The following MYO1D variants were observed in gnomAD, a reference collection of about 807,000 sequenced individuals.
MYO1D encodes the protein unconventional myosin-Id.
In MYO1D, 83 loss-of-function variants were observed where a neutral mutation model predicts 122.0. That is an observed-to-expected ratio of 0.68 (90% CI 0.57 to 0.82). MYO1D has a LOEUF of 0.82. MYO1D is among the 40% of genes least tolerant of loss of function. The pLI, the probability that MYO1D is intolerant of heterozygous loss-of-function variation, is 0.00. For synonymous variants in MYO1D, 464 were observed against 446.9 expected (o/e 1.04, Z -0.48); for missense variants, 1,157 against 1,269.5 (o/e 0.91, Z 1.35).
At chr17:32,603,439 G>C (rs990903951) in intron 21 of MYO1D, among the ~76,000 whole-genome samples, 1 of 151,378 alleles carries the variant, frequency 6.6e-6, no homozygotes, top group Non-Finnish European at 1.5e-5. Context: ...ATAAATATTA[G>C]CAGGAAAATA....
At chr17:32,836,931 G>A (rs1384424660) in intron 1 of MYO1D, among the ~76,000 whole-genome samples, 3 of 152,118 alleles carry the variant, frequency 2.0e-5, no homozygotes, top group African/African-American at 7.2e-5. Context: ...TAGGTCATAG[G>A]ATAGGTATAG....
intron 21 of MYO1D, among the ~76,000 whole-genome samples, chr17:32,585,597 G>A (rs1037174392): frequency 3.9e-4 from 59 of 152,096 alleles, no homozygotes; most frequent in African/African-American, 1.4e-3. Context: ...AGGTGTGGTA[G>A]CGGGCGCCTG....
intron 21 of MYO1D, among the ~76,000 whole-genome samples, chr17:32,527,491 T>C (rs965009278): frequency 6.6e-6 from 1 of 152,182 alleles, no homozygotes; most frequent in Non-Finnish European, 1.5e-5. Flanking sequence ...TTCCTGCGCT[T>C]GTCAAAGCTA....
rs184879992 is a variant in MYO1D at position 32,499,486 on chromosome 17, T to G, written c.2865-4571A>C. Reference sequence around the variant, plus strand: ...CAGTCTCTACTAAAAATACAAAAATTAGCTGGGTGTGGTGGTGCATGCCTG... The same window carrying G: ...CAGTCTCTACTAAAAATACAAAAATGAGCTGGGTGTGGTGGTGCATGCCTG... On this transcript the variant is annotated intron_variant, in intron 21 of 21. Transcript: ENST00000318217. 6.7e-3 allele frequency among the ~76,000 whole-genome samples: 1,006 copies of G among 150,194 alleles called. 8 individuals are homozygous for G. The highest frequency in any genetic ancestry group is 8.0e-3 in the Non-Finnish European group (540 of 67,576).
intron 16 of MYO1D, among the ~76,000 whole-genome samples, chr17:32,704,239 G>A (rs1300138896): frequency 6.6e-6 from 1 of 152,192 alleles, no homozygotes; most frequent in Non-Finnish European, 1.5e-5. Flanking sequence ...AATCAAATGT[G>A]CATTATGAAA....
chr17:32,767,525 C>A, intron 7 of MYO1D, 111 bp downstream of exon 7: 2 of 656,956 alleles, frequency 3.0e-6, no homozygotes, highest in East Asian at 2.7e-5. Flanking sequence ...AAAATACGTA[C>A]AAAATTTTCT....
chr17:32,792,424 G>C (rs1405693217), intron 1 of MYO1D: 1 of 152,120 alleles, frequency 6.6e-6, no homozygotes, highest in African/African-American at 2.4e-5. Flanking sequence ...CTACACTTAT[G>C]CAATGTTCAT....
At chr17:32,795,561 A>G (rs1156675097) in intron 1 of MYO1D, among the ~76,000 whole-genome samples, 2 of 152,202 alleles carry the variant, frequency 1.3e-5, no homozygotes, top group Non-Finnish European at 2.9e-5. Context: ...TAAAAAATAC[A>G]ATAAAGAAGC....
Position 32,760,782 on chromosome 17 carries a change from TA to T in MYO1D, c.1036-156del, listed in dbSNP as rs532637260. Among the ~76,000 whole-genome samples the T allele has an allele frequency of 2.2e-3, 339 of 152,280 alleles. 1 individual carries two copies. The highest frequency in any genetic ancestry group is 3.0e-3 in the Non-Finnish European group (201 of 68,022). ...CAAATGAAAATGTAGACTGTCCATT[TA>T]AAAAAACCCAAACTACCTGATGTAT... On this transcript the variant is annotated intron_variant, in intron 8 of 21. Coordinates refer to ENST00000318217, the MANE Select transcript of MYO1D (RefSeq NM_015194.3).
chr17:32,759,137 A>G (rs926831741), intron 10 of MYO1D, among the ~76,000 whole-genome samples: 13 of 152,146 alleles, frequency 8.5e-5, no homozygotes, highest in African/African-American at 3.1e-4. Flanking sequence ...ATTGAACTGA[A>G]TTAAATTTTA....
rs183821156 is a variant in MYO1D, at chr17:32,719,373, G to A, written c.1913+1650C>T. On this transcript the variant is annotated intron_variant, in intron 15 of 21. Coordinates refer to ENST00000318217, the MANE Select transcript of MYO1D (RefSeq NM_015194.3). The stretch of plus-strand genomic sequence containing the variant: ...GCCCTTTTTTTTTTTTTTTTGAGAC[G>A]GAGTCTCGCTCTGTCACCCAGGCTG... Among the ~76,000 whole-genome samples the A allele has an allele frequency of 3.9e-3, 545 of 138,944 alleles. 5 individuals are homozygous for A. Among genetic ancestry groups the A allele is most frequent in the African/African-American group, 0.013 (507 of 38,056 alleles). 91.2% of individuals were successfully genotyped at this position (138,944 alleles called of 152,430 possible).
In MYO1D at chr17:32,723,629, G is replaced by A. The variant is rs191739084; in HGVS notation, c.1747-2440C>T. 2.6e-5 allele frequency among the ~76,000 whole-genome samples: 4 copies of A among 152,162 alleles called. No individual in the cohort carries two copies. The East Asian group carries it at 7.7e-4, about 29-fold the overall frequency. ...GGGTTACTTCTGGAAGTCCATCCTC[G>A]AGAGGGTCTGCCTGCCCTCTTGGAC... On this transcript the variant is annotated intron_variant, in intron 14 of 21. Coordinates refer to ENST00000318217, the MANE Select transcript of MYO1D (RefSeq NM_015194.3).
At chr17:32,532,063 G>A (rs1910521716) in intron 21 of MYO1D, among the ~76,000 whole-genome samples, 1 of 152,186 alleles carries the variant, frequency 6.6e-6, no homozygotes. Flanking sequence ...ACAGGATAAG[G>A]ACATTCTCAA....
chr17:32,785,065 TAGG>T (rs1254692883), intron 1 of MYO1D, among the ~76,000 whole-genome samples: 1 of 152,098 alleles, frequency 6.6e-6, no homozygotes, highest in Non-Finnish European at 1.5e-5. Context: ...GGGGGAATGG[TAGG>T]AGAAATGAGG....
rs2090129734 is a variant in MYO1D, at chr17:32,772,802, T to C, written c.605A>G (p.His202Arg). Reference sequence around the variant, plus strand: ...TGGATTACTAACCTGATAGAAAGAATGAAAGCTTCTTTCTCCTGGCTGTTG... The same window carrying C: ...TGGATTACTAACCTGATAGAAAGAACGAAAGCTTCTTTCTCCTGGCTGTTG... ...IVQQPGERSFHSFYQLLQGGS... is the reference protein window; with the variant it reads ...IVQQPGERSFRSFYQLLQGGS... The change falls in exon 5 of 22, where the codon CAT (histidine) becomes CGT (arginine). Residue 202 changes from histidine to arginine, a missense_variant. By Grantham distance (29) the His-to-Arg change is conservative (BLOSUM62 0). Transcript: ENST00000318217. The C allele has an allele frequency of 6.2e-7, 1 of 1,611,716 alleles. No homozygotes were observed. The highest frequency in any genetic ancestry group is 8.5e-7 in the Non-Finnish European group (1 of 1,177,776).
intron 1 of MYO1D, among the ~76,000 whole-genome samples, chr17:32,847,460 G>C (rs1298686270): frequency 6.6e-6 from 1 of 152,112 alleles, no homozygotes; most frequent in Non-Finnish European, 1.5e-5. Flanking sequence ...GACATATCTT[G>C]GAACTTTGGA....
chr17:32,515,910 T>C (rs1909874959), intron 21 of MYO1D, among the ~76,000 whole-genome samples: 1 of 152,208 alleles, frequency 6.6e-6, no homozygotes, highest in Non-Finnish European at 1.5e-5. Flanking sequence ...GCTAAAAAAA[T>C]GTACCCTTGT....
chr17:32,769,114 G>A (rs1173681966), intron 6 of MYO1D, among the ~76,000 whole-genome samples: 1 of 152,190 alleles, frequency 6.6e-6, no homozygotes, highest in South Asian at 2.1e-4. Flanking sequence ...CACAGGCATG[G>A]GATGCCATTC....
intron 21 of MYO1D, among the ~76,000 whole-genome samples, chr17:32,593,107 A>C (rs2087456040): frequency 1.6e-5 from 2 of 121,868 alleles, no homozygotes; most frequent in African/African-American, 6.5e-5. Flanking sequence ...ATGCCATGAC[A>C]ACCATTACTC....
Sources: gnomAD v4.1 joint callset for allele counts (sites outside exome capture counted in the v4.1 genomes callset) on GRCh38, gnomAD v4.1.1 for gene constraint, MANE v1.5 for transcripts, NCBI Gene and HGNC (gene_info 2026-07-23, HGNC 2026-07-21) for gene names.